STK17A: variants seen among roughly 807,000 people sequenced by gnomAD.
STK17A encodes the protein serine/threonine kinase 17a, also known as serine/threonine-protein kinase 17A.
In STK17A, 26 loss-of-function variants were observed where a neutral mutation model predicts 43.7. The observed-to-expected ratio is 0.60, with a 90% confidence interval of 0.44 to 0.83. The LOEUF (loss-of-function observed/expected upper bound fraction) is 0.83. Among genes scored for constraint, STK17A ranks in the 40% least tolerant of loss-of-function variants. STK17A has a pLI of 0.00. For synonymous variants in STK17A, 191 were observed against 182.5 expected, an observed-to-expected ratio of 1.05 and a Z score of -0.38; for missense variants, 476 against 511.6, an observed-to-expected ratio of 0.93 and a Z score of 0.67.
Position 43,625,192 on chromosome 7 carries a change from T to C in STK17A, c.*350T>C, listed in dbSNP as rs2084374288. ...TAAAAGTGCCAAAACTACACTTCTG[T>C]AAATCTCTTGCATTATTCATATGTG... On this transcript the variant is annotated 3_prime_UTR_variant, in exon 7 of 7. Coordinates refer to ENST00000319357, the MANE Select transcript of STK17A (RefSeq NM_004760.3). 2 of 188,848 alleles carry C rather than the reference T, an allele frequency of 1.1e-5. No individual in the cohort carries two copies. Among genetic ancestry groups the C allele is most frequent in the African/African-American group, 2.4e-5 (1 of 42,224 alleles). 11.7% of individuals were successfully genotyped at this position (188,848 alleles called of 1,614,324 possible).
chr7:43,619,551 T>C (rs1563162860), intron 3 of STK17A, 46 bp from the exon 4 acceptor site: 1 of 1,595,224 alleles, frequency 6.3e-7, no homozygotes. Context: ...TTTTGTGTAC[T>C]TAATCATAGT....
chr7:43,609,095 C>T (rs960578022), intron 3 of STK17A: 6 of 152,240 alleles, frequency 3.9e-5, no homozygotes, highest in African/African-American at 1.4e-4. Flanking sequence ...CAAACAAGTC[C>T]AGGGATAATT....
At chr7:43,601,370 A>T (rs1563146125) in intron 2 of STK17A, among the ~76,000 whole-genome samples, 1 of 152,236 alleles carries the variant, frequency 6.6e-6, no homozygotes, top group Non-Finnish European at 1.5e-5. Context: ...AATATCCAAA[A>T]ATGGCAGAAC....
rs1402206583 is a variant in STK17A, at chr7:43,595,899, A to G, written c.207-2A>G. 6 of 1,612,168 alleles carry G rather than the reference A, an allele frequency of 3.7e-6. No individual in the cohort carries two copies. Among genetic ancestry groups the G allele is most frequent in the Non-Finnish European group, 5.1e-6 (6 of 1,179,254 alleles). Reference sequence around the variant, plus strand: ...ACAGTGAATGTTTTTGTTTAATTCTAGGGGGAAATTTGCAGTGGTGAGAAA... The same window carrying G: ...ACAGTGAATGTTTTTGTTTAATTCTGGGGGGAAATTTGCAGTGGTGAGAAA... On this transcript the variant is annotated splice_acceptor_variant, in intron 1 of 6. Coordinates refer to ENST00000319357, the MANE Select transcript of STK17A (RefSeq NM_004760.3). LOFTEE classifies it high-confidence loss of function.
intron 1 of STK17A, among the ~76,000 whole-genome samples, chr7:43,593,579 A>G (rs993505560): frequency 2.6e-5 from 4 of 152,060 alleles, no homozygotes; most frequent in Non-Finnish European, 5.9e-5. Context: ...AGCCATTCCA[A>G]CTGCTGTAAA....
chr7:43,583,129 G>A lies in STK17A; in HGVS notation c.-115G>A. The A allele has an allele frequency of 1.7e-6, 2 of 1,145,280 alleles. No individual in the cohort carries two copies. Among genetic ancestry groups the A allele is most frequent in the East Asian group, 3.2e-5 (1 of 30,786 alleles). 70.9% of individuals were successfully genotyped at this position (1,145,280 alleles called of 1,614,324 possible). On this transcript the variant is annotated 5_prime_UTR_variant, in exon 1 of 7. Transcript: ENST00000319357. ...TGCCGCAGTCCGAGCGCCGCGCTGG[G>A]GAGAGCGGGTGTTTGAAGGCTCCGC...
intron 3 of STK17A, chr7:43,609,658 C>G (rs2082680385): frequency 6.6e-6 from 1 of 152,210 alleles, no homozygotes; most frequent in Non-Finnish European, 1.5e-5. Context: ...GGAAATGAAA[C>G]ATTCCTCAAA....
chr7:43,626,144 GGCCATGCCTC>G lies in STK17A; in HGVS notation c.*1305_*1314del, dbSNP rs542812173. The G allele has an allele frequency of 1.8e-3, 271 of 152,238 alleles. 1 individual carries two copies. Among genetic ancestry groups the G allele is most frequent in the African/African-American group, 6.2e-3 (257 of 41,548 alleles). The allele number at this position is 152,238 out of a possible 1,614,324, so 9.4% of individuals were successfully genotyped here. A position where few individuals can be genotyped will look rare whatever the true frequency, so the allele number is the denominator to read the frequency against. ...CTATCACCTGTGTGCTGTGTACCGT[GGCCATGCCTC>G]GCTCTGCACTATGAACAACTCAGAC... On this transcript the variant is annotated 3_prime_UTR_variant, in exon 7 of 7. Transcript: ENST00000319357.
chr7:43,604,846 G>C (rs1583555007), intron 2 of STK17A, among the ~76,000 whole-genome samples: 1 of 152,170 alleles, frequency 6.6e-6, no homozygotes, highest in African/African-American at 2.4e-5. Context: ...ATAGATCCCT[G>C]GGGTCCTGTT....
In STK17A at chr7:43,583,387, C is replaced by G; in HGVS notation, c.144C>G (p.Ala48=). ...QARGLLTEIR[A]VVRTEPFQDG... ...GCGGGCTGCTGACAGAGATACGCGC[C>G]GTGGTGCGCACCGAGCCCTTCCAGG... Residue 48 remains alanine (A), a synonymous_variant, in exon 1 of 7, where the codon GCC becomes GCG. Coordinates refer to ENST00000319357, the MANE Select transcript of STK17A (RefSeq NM_004760.3). 6.9e-7 allele frequency: 1 copy of G among 1,447,022 alleles called. No homozygotes were observed. The highest frequency in any genetic ancestry group is 9.1e-7 in the Non-Finnish European group (1 of 1,097,862). 89.6% of individuals were successfully genotyped at this position (1,447,022 alleles called of 1,614,324 possible).
intron 3 of STK17A, among the ~76,000 whole-genome samples, chr7:43,614,975 G>T (rs886421542): frequency 6.6e-6 from 1 of 152,172 alleles, no homozygotes; most frequent in South Asian, 2.1e-4. Context: ...AACATTCATA[G>T]AATGTACATG....
intron 2 of STK17A, 89 bp from the exon 3 acceptor site, chr7:43,608,167 A>G (rs2082628836): frequency 1.6e-6 from 2 of 1,288,156 alleles, no homozygotes; most frequent in Non-Finnish European, 2.2e-6. Flanking sequence ...AGTTACTGCC[A>G]GACTGTAATT....
chr7:43,617,119 C>T (rs1271157896), intron 3 of STK17A, among the ~76,000 whole-genome samples: 2 of 152,030 alleles, frequency 1.3e-5, no homozygotes, highest in Non-Finnish European at 2.9e-5. Flanking sequence ...GAAAGTGTCC[C>T]GTGGGACCCA....
At chr7:43,587,770 C>G (rs1176955613) in intron 1 of STK17A, among the ~76,000 whole-genome samples, 1 of 151,466 alleles carries the variant, frequency 6.6e-6, no homozygotes, top group Non-Finnish European at 1.5e-5. Flanking sequence ...ATTTTATTTA[C>G]AAACAGTTTT....
intron 2 of STK17A, among the ~76,000 whole-genome samples, chr7:43,596,633 G>C (rs1388255955): frequency 6.6e-6 from 1 of 151,564 alleles, no homozygotes; most frequent in African/African-American, 2.4e-5. Context: ...TTGAGAGGCC[G>C]AGGCAGGAGG....
intron 3 of STK17A, among the ~76,000 whole-genome samples, chr7:43,610,346 CAAAA>C (rs138859141): frequency 7.0e-4 from 29 of 41,316 alleles, no homozygotes; most frequent in Non-Finnish European, 9.7e-4. Context: ...GACTCCGTCT[CAAAA>C]AAAAAAAAAA....
intron 1 of STK17A, among the ~76,000 whole-genome samples, chr7:43,590,412 A>G (rs550512640): frequency 6.6e-6 from 1 of 151,440 alleles, no homozygotes; most frequent in African/African-American, 2.4e-5. Flanking sequence ...GGGAGCTCGG[A>G]CTGGTGGGTC....
chr7:43,596,615 C>G (rs2082517249), intron 2 of STK17A, among the ~76,000 whole-genome samples: 1 of 152,134 alleles, frequency 6.6e-6, no homozygotes, highest in African/African-American at 2.4e-5. Context: ...GCCTGTAATC[C>G]CGGCACTTTG....
chr7:43,608,429 G>T, intron 3 of STK17A, 29 bp downstream of exon 3: 2 of 1,586,556 alleles, frequency 1.3e-6, no homozygotes, highest in African/African-American at 2.7e-5. Flanking sequence ...TTTTGAGATT[G>T]CTAAAGAATG....
Sources: gnomAD v4.1 joint callset for allele counts (sites outside exome capture counted in the v4.1 genomes callset) on GRCh38, gnomAD v4.1.1 for gene constraint, MANE v1.5 for transcripts, NCBI Gene and HGNC (gene_info 2026-07-23, HGNC 2026-07-21) for gene names.